C1GALT1: variants seen among roughly 807,000 people sequenced by gnomAD.
C1GALT1 encodes glycoprotein-N-acetylgalactosamine 3-beta-galactosyltransferase 1.
In C1GALT1, 11 loss-of-function variants were observed where a neutral mutation model predicts 31.0. The observed-to-expected ratio is 0.36, with a 90% confidence interval of 0.22 to 0.59. The LOEUF (loss-of-function observed/expected upper bound fraction) is 0.59, where lower values mean the gene tolerates loss of function less well. C1GALT1 is among the 20% of genes least tolerant of loss of function. The probability of loss-of-function intolerance (pLI) is 0.79; values close to 1 mark genes in which losing one functional copy is unlikely to be tolerated. For missense variants in C1GALT1, 424 were observed against 425.2 expected (o/e 1.00, Z 0.03); for synonymous variants, 175 against 143.6 (o/e 1.22, Z -1.56).
At chr7:7,162,323 T>A (rs2128226481) in intron 2 of C1GALT1, among the ~76,000 whole-genome samples, 1 of 139,520 alleles carries the variant, frequency 7.2e-6, no homozygotes, top group South Asian at 2.3e-4. Context: ...TGTCCATGTG[T>A]TCTCATTGTT....
chr7:7,181,628 G>A (rs1017382950), upstream of C1GALT1, among the ~76,000 whole-genome samples: 1 of 152,174 alleles, frequency 6.6e-6, no homozygotes, highest in Non-Finnish European at 1.5e-5. Context: ...GGCATTCTAA[G>A]TAACTTGCCA....
intron 1 of C1GALT1, among the ~76,000 whole-genome samples, chr7:7,216,396 A>G (rs1782241161): frequency 6.6e-6 from 1 of 152,038 alleles, no homozygotes; most frequent in Non-Finnish European, 1.5e-5. Flanking sequence ...GAACTAAGTA[A>G]TGGGGCTAAC....
chr7:7,179,665 A>C (rs1052191132), upstream of C1GALT1, among the ~76,000 whole-genome samples: 1 of 152,182 alleles, frequency 6.6e-6, no homozygotes, highest in African/African-American at 2.4e-5. Flanking sequence ...TCTTATATAG[A>C]AGGGATATAA....
intron 1 of C1GALT1, among the ~76,000 whole-genome samples, chr7:7,200,228 C>T (rs928195987): frequency 1.8e-4 from 27 of 152,296 alleles, no homozygotes; most frequent in African/African-American, 6.5e-4. Flanking sequence ...TCTTGTAAGG[C>T]AGGCCTGGTG....
chr7:7,168,048 A>G (rs1034379155), intron 2 of C1GALT1, among the ~76,000 whole-genome samples: 1 of 152,240 alleles, frequency 6.6e-6, no homozygotes, highest in Non-Finnish European at 1.5e-5. Flanking sequence ...AGGGGAATGA[A>G]CAAATTCATG....
intron 2 of C1GALT1, among the ~76,000 whole-genome samples, chr7:7,176,180 G>A (rs1780504136): frequency 6.6e-6 from 1 of 152,112 alleles, no homozygotes; most frequent in South Asian, 2.1e-4. Context: ...ATGGGAATTT[G>A]TGGAAAAAGG....
chr7:7,187,017 A>C (rs1260860472), intron 1 of C1GALT1, among the ~76,000 whole-genome samples: 1 of 152,214 alleles, frequency 6.6e-6, no homozygotes, highest in Non-Finnish European at 1.5e-5. Context: ...AAATGGGCCA[A>C]AGAAGCAAAG....
At position 7,229,987 on chromosome 7, in the gene C1GALT1, A is replaced by AATT. The variant is rs966146010; in HGVS notation, c.-17-4315_-17-4313dup. 3.7e-4 allele frequency among the ~76,000 whole-genome samples: 56 copies of AATT among 152,156 alleles called. 1 individual carries two copies. Among genetic ancestry groups the AATT allele is most frequent in the Non-Finnish European group, 8.8e-5 (6 of 68,020 alleles). ...ATGTATCTGATAGTTTCAGATGGTT[A>AATT]ATTTACATCTCAAGATACTGGGCAG... is the stretch of plus-strand genomic sequence containing the variant. On this transcript the variant is annotated intron_variant, in intron 1 of 3. Coordinates refer to ENST00000436587, the MANE Select transcript of C1GALT1 (RefSeq NM_020156.5).
chr7:7,196,526 A>G (rs554042282), intron 1 of C1GALT1, among the ~76,000 whole-genome samples: 18 of 152,278 alleles, frequency 1.2e-4, no homozygotes, highest in Admixed American at 2.6e-4. Flanking sequence ...GTAAACATAC[A>G]TGTGCATGTG....
At chr7:7,171,627 G>C (rs905077912) in intron 2 of C1GALT1, among the ~76,000 whole-genome samples, 3 of 151,752 alleles carry the variant, frequency 2.0e-5, no homozygotes, top group African/African-American at 7.3e-5. Flanking sequence ...TTTGATACTT[G>C]TTTTCTGTAT....
At chr7:7,232,828 C>T (rs1464505087) in intron 1 of C1GALT1, among the ~76,000 whole-genome samples, 1 of 152,174 alleles carries the variant, frequency 6.6e-6, no homozygotes, top group Admixed American at 6.5e-5. Context: ...TACATTCAAA[C>T]TGTGGCTCCT....
intron 2 of C1GALT1, among the ~76,000 whole-genome samples, chr7:7,171,208 T>C (rs1416794150): frequency 6.6e-6 from 1 of 152,208 alleles, no homozygotes; most frequent in Non-Finnish European, 1.5e-5. Context: ...TATTGGAGTC[T>C]CCAACTATTA....
intron 2 of C1GALT1, chr7:7,234,983 A>AAAGAAC (rs1283406620): frequency 6.5e-6 from 1 of 153,312 alleles, no homozygotes; most frequent in African/African-American, 2.4e-5. Flanking sequence ...CAAGAGGCAC[A>AAAGAAC]AAGAACAAGG....
chr7:7,198,384 A>G (rs565722373), intron 1 of C1GALT1, among the ~76,000 whole-genome samples: 138 of 152,262 alleles, frequency 9.1e-4, no homozygotes, highest in Non-Finnish European at 1.5e-3. Flanking sequence ...GGATGAAGCC[A>G]ACTTGATTGT....
At chr7:7,220,675 C>T (rs1583805545) in intron 1 of C1GALT1, among the ~76,000 whole-genome samples, 1 of 152,092 alleles carries the variant, frequency 6.6e-6, no homozygotes, top group Middle Eastern at 3.4e-3. Flanking sequence ...GCATGTGCCA[C>T]CACGCCCAGC....
At chr7:7,222,141 C>T (rs967545245) in intron 1 of C1GALT1, among the ~76,000 whole-genome samples, 2 of 152,154 alleles carry the variant, frequency 1.3e-5, no homozygotes, top group African/African-American at 4.8e-5. Flanking sequence ...GAGCTTACTG[C>T]CAAAAGACCC....
rs754947695 is a variant in C1GALT1, at chr7:7,244,924, T to G, written c.*1197T>G. 1.4e-4 allele frequency: 21 copies of G among 152,204 alleles called. No individual in the cohort carries two copies. The highest frequency in any genetic ancestry group is 2.8e-4 in the Non-Finnish European group (19 of 68,024). 9.4% of individuals were successfully genotyped at this position (152,204 alleles called of 1,614,324 possible). ...AACAGTCTGAAGGTTGGTGCTATTT[T>G]GGGATAATTGTTTTGCTAATGGATA... On this transcript the variant is annotated 3_prime_UTR_variant, in exon 4 of 4. Coordinates refer to ENST00000436587, the MANE Select transcript of C1GALT1 (RefSeq NM_020156.5).
At chr7:7,208,846 C>G (rs1311752873) in intron 1 of C1GALT1, among the ~76,000 whole-genome samples, 1 of 152,292 alleles carries the variant, frequency 6.6e-6, no homozygotes, top group East Asian at 1.9e-4. Flanking sequence ...GGGGTGGGGT[C>G]GGTAGCTGCT....
At position 7,222,169 on chromosome 7, in the gene C1GALT1, T is replaced by G. The variant is rs1292671048; in HGVS notation, c.-17-12134T>G. 2.0e-5 allele frequency among the ~76,000 whole-genome samples: 3 copies of G among 152,218 alleles called. No individual in the cohort carries two copies. The East Asian group carries it at 5.8e-4, about 29-fold the overall frequency. On this transcript the variant is annotated intron_variant, in intron 1 of 3. Transcript: ENST00000436587. ...AAAGACCCAACTTAACGATAACTAC[T>G]ACTAATTGCTCAGCATTCTCTTTAA...
Sources: allele counts gnomAD v4.1 joint callset (sites outside exome capture counted in the v4.1 genomes callset), GRCh38; gene constraint gnomAD v4.1.1; transcripts MANE v1.5; gene names NCBI Gene and HGNC (gene_info 2026-07-23, HGNC 2026-07-21).